ZNF280D: variants seen among roughly 807,000 people sequenced by gnomAD.
The protein encoded by ZNF280D is suppressor of hairy wing homolog 4.
ZNF280D carries 39 observed loss-of-function variants against 94.7 expected under a neutral mutation model. The ratio of observed to expected loss-of-function variants is 0.41; its 90% CI spans 0.32 to 0.54. The LOEUF is 0.54. ZNF280D is among the 20% of genes least tolerant of loss of function. The probability of loss-of-function intolerance (pLI) is 0.22; values close to 1 mark genes in which losing one functional copy is unlikely to be tolerated. For missense variants in ZNF280D, 1,090 were observed against 1,149.3 expected (o/e 0.95, Z 0.75); for synonymous variants, 398 against 377.6 (o/e 1.05, Z -0.63).
chr15:56,674,868 TA>T (rs1350497766), intron 13 of ZNF280D, among the ~76,000 whole-genome samples: 2 of 151,946 alleles, frequency 1.3e-5, no homozygotes, highest in Non-Finnish European at 2.9e-5. Context: ...ATATAATCTT[TA>T]AAAAAAGTTA....
intron 7 of ZNF280D, among the ~76,000 whole-genome samples, chr15:56,692,213 CGTAA>C (rs1176940872): frequency 2.0e-5 from 3 of 151,592 alleles, no homozygotes; most frequent in African/African-American, 7.3e-5. Flanking sequence ...TTACTAAATA[CGTAA>C]GTGACACCCA....
chr15:56,687,077 C>T (rs1032487699), intron 9 of ZNF280D, among the ~76,000 whole-genome samples: 15 of 151,970 alleles, frequency 9.9e-5, no homozygotes, highest in Admixed American at 5.9e-4. Flanking sequence ...TTAGCTGATA[C>T]ATAAAAATAT....
chr15:56,704,597 C>G (rs1290767173), intron 3 of ZNF280D, among the ~76,000 whole-genome samples: 1 of 152,160 alleles, frequency 6.6e-6, no homozygotes, highest in African/African-American at 2.4e-5. Flanking sequence ...TACCCACTGT[C>G]TTTTTAAAAA....
At chr15:56,669,580 TTTAA>T (rs1293756775) in intron 13 of ZNF280D, among the ~76,000 whole-genome samples, 2 of 150,978 alleles carry the variant, frequency 1.3e-5, no homozygotes, top group African/African-American at 4.9e-5. Context: ...ACTGTTTAAC[TTTAA>T]TTAATTTAAA....
At chr15:56,640,222 T>C (rs959789594) in intron 20 of ZNF280D, among the ~76,000 whole-genome samples, 8 of 152,254 alleles carry the variant, frequency 5.3e-5, no homozygotes, top group East Asian at 3.9e-4. Flanking sequence ...CCAAGCCATA[T>C]TGAAGCCTGA....
intron 1 of ZNF280D, among the ~76,000 whole-genome samples, chr15:56,728,783 T>G (rs2058749210): frequency 6.6e-6 from 1 of 152,150 alleles, no homozygotes; most frequent in Admixed American, 6.5e-5. Flanking sequence ...ATACAACCAT[T>G]CTGTTTTTCA....
chr15:56,732,023 C>A (rs1236529566), intron 1 of ZNF280D, among the ~76,000 whole-genome samples: 1 of 152,108 alleles, frequency 6.6e-6, no homozygotes, highest in Non-Finnish European at 1.5e-5. Flanking sequence ...ATAAAAATAT[C>A]AACGAAAGGG....
chr15:56,708,390 G>C (rs1181096680), intron 1 of ZNF280D, among the ~76,000 whole-genome samples: 1 of 152,128 alleles, frequency 6.6e-6, no homozygotes, highest in Non-Finnish European at 1.5e-5. Context: ...TGTCCCACTA[G>C]CAACAGTATA....
intron 19 of ZNF280D, among the ~76,000 whole-genome samples, chr15:56,648,380 C>T (rs1443150354): frequency 6.6e-6 from 1 of 151,914 alleles, no homozygotes; most frequent in East Asian, 1.9e-4. Flanking sequence ...CTGTCCCAAT[C>T]GTATGATTGT....
chr15:56,687,808 C>T (rs2141052149), intron 9 of ZNF280D, among the ~76,000 whole-genome samples: 1 of 152,252 alleles, frequency 6.6e-6, no homozygotes, highest in East Asian at 1.9e-4. Context: ...CAGGGCTATA[C>T]TCTGAGAGTA....
intron 1 of ZNF280D, among the ~76,000 whole-genome samples, chr15:56,712,033 C>T (rs555109094): frequency 4.7e-4 from 71 of 152,278 alleles, no homozygotes; most frequent in Middle Eastern, 3.4e-3. Context: ...TTATATAATG[C>T]AGTCTGTCCT....
intron 10 of ZNF280D, 98 bp from the exon 11 acceptor site, chr15:56,678,919 G>T: frequency 1.7e-6 from 2 of 1,164,964 alleles, no homozygotes; most frequent in Non-Finnish European, 2.3e-6. Context: ...AAATATAGAT[G>T]TATTACTCAA....
chr15:56,680,363 A>T (rs550122696), intron 10 of ZNF280D, among the ~76,000 whole-genome samples: 1 of 152,334 alleles, frequency 6.6e-6, no homozygotes, highest in African/African-American at 2.4e-5. Flanking sequence ...CAGTATTTTT[A>T]AAAATACTCA....
Position 56,704,277 on chromosome 15 carries a change from A to C in ZNF280D, c.29-10T>G, listed in dbSNP as rs746650969. The C allele has an allele frequency of 3.6e-5, 57 of 1,601,214 alleles. No individual in the cohort carries two copies. Among genetic ancestry groups the C allele is most frequent in the Non-Finnish European group, 4.8e-5 (57 of 1,176,220 alleles). On this transcript the variant is annotated splice_polypyrimidine_tract_variant and intron_variant, in intron 3 of 21. Coordinates refer to ENST00000267807, the MANE Select transcript of ZNF280D (RefSeq NM_017661.4). ...GCCATTTTTGAATTACCTAATTTTC[A>C]AAAGGAGAGAAGTAAACCTCATTTT...
At chr15:56,663,353 C>T (rs1403712851) in intron 16 of ZNF280D, among the ~76,000 whole-genome samples, 1 of 149,382 alleles carries the variant, frequency 6.7e-6, no homozygotes, top group Non-Finnish European at 1.5e-5. Flanking sequence ...GGAAGATTAA[C>T]CAACTTACAG....
At chr15:56,688,352 G>A (rs1006717624) in intron 9 of ZNF280D, among the ~76,000 whole-genome samples, 6 of 151,770 alleles carry the variant, frequency 4.0e-5, no homozygotes, top group Admixed American at 1.3e-4. Context: ...TTAGCCGGGC[G>A]TGGTGGCGGG....
rs750700350 is a variant in ZNF280D, at chr15:56,654,428, T to C, written c.2133A>G (p.Leu711=). The change falls in exon 18 of 22, where the codon TTA becomes TTG. Residue 711 remains leucine, a synonymous_variant. Coordinates refer to ENST00000267807, the MANE Select transcript of ZNF280D (RefSeq NM_017661.4). ...GGCAAGTATGAGTTTTATGTTGACT[T>C]AAGTGTGTAGCCATATTATCTAAGC... is the stretch of plus-strand genomic sequence containing the variant. ...VSGLDNMATH[L]SQHKTHTCQV... 3 of 1,612,406 alleles carry C rather than the reference T, an allele frequency of 1.9e-6. No homozygotes were observed. Among genetic ancestry groups the C allele is most frequent in the Non-Finnish European group, 1.7e-6 (2 of 1,179,504 alleles).
intron 21 of ZNF280D, among the ~76,000 whole-genome samples, chr15:56,634,524 C>A (rs1304806810): frequency 6.6e-6 from 1 of 152,040 alleles, no homozygotes; most frequent in Non-Finnish European, 1.5e-5. Flanking sequence ...GGAACTTAAT[C>A]CATAACTTGC....
At chr15:56,680,794 A>AT (rs1431186856) in intron 10 of ZNF280D, among the ~76,000 whole-genome samples, 1 of 152,172 alleles carries the variant, frequency 6.6e-6, no homozygotes, top group Admixed American at 6.6e-5. Context: ...CATGTTTGCT[A>AT]TTAAATGGGC....
Sources: gnomAD v4.1 joint callset for allele counts (sites outside exome capture counted in the v4.1 genomes callset) on GRCh38, gnomAD v4.1.1 for gene constraint, MANE v1.5 for transcripts, NCBI Gene and HGNC (gene_info 2026-07-23, HGNC 2026-07-21) for gene names.